PLCD1: variants seen among roughly 807,000 people sequenced by gnomAD.
PLCD1 encodes the protein 1-phosphatidylinositol 4,5-bisphosphate phosphodiesterase delta-1.
Under a neutral mutation model 87.4 loss-of-function variants are expected in PLCD1, and 71 were observed. The observed-to-expected ratio is 0.81, with a 90% CI of 0.67 to 0.99. The LOEUF (loss-of-function observed/expected upper bound fraction) is 0.99, where lower values mean the gene tolerates loss of function less well. Ranked by LOEUF, PLCD1 falls within the 50% of genes least tolerant of loss-of-function variation. PLCD1 has a pLI of 0.00. For synonymous variants in PLCD1, 348 were observed against 399.2 expected, an observed-to-expected ratio of 0.87 and a Z score of 1.53; for missense variants, 867 against 1,001.5, an observed-to-expected ratio of 0.87 and a Z score of 1.81.
At chr3:38,023,391 T>C (rs1240938783) in intron 1 of PLCD1, among the ~76,000 whole-genome samples, 1 of 152,078 alleles carries the variant, frequency 6.6e-6, no homozygotes, top group Non-Finnish European at 1.5e-5. Flanking sequence ...CAGAGCATCA[T>C]GATGATGATG....
intron 1 of PLCD1, among the ~76,000 whole-genome samples, chr3:38,028,631 T>C (rs1575360178): frequency 6.6e-6 from 1 of 152,284 alleles, no homozygotes; most frequent in African/African-American, 2.4e-5. Flanking sequence ...GGAGCAGGGT[T>C]TGCTGAGATG....
In PLCD1 at chr3:38,018,108, T is replaced by C. The variant is rs901070741; in HGVS notation, c.200-1389A>G. ...ATGGGGGTGGGTAGTAGTGGCAGGATTGGGGAGACTTAAAAAGCAGGAAGC... is the reference window on the plus strand; with the variant it reads ...ATGGGGGTGGGTAGTAGTGGCAGGACTGGGGAGACTTAAAAAGCAGGAAGC... On this transcript the variant is annotated intron_variant, in intron 2 of 14. Transcript: ENST00000334661. This position sits in a 1 kb window ranked among gnomAD's most constrained non-coding sequence, Gnocchi z 5.7. Among the ~76,000 whole-genome samples, 14 of 152,052 alleles carry C rather than the reference T, an allele frequency of 9.2e-5. No individual in the cohort carries two copies. Among genetic ancestry groups the C allele is most frequent in the South Asian group, 6.2e-4 (3 of 4,816 alleles).
Position 38,010,067 on chromosome 3 carries a change from G to A in PLCD1, c.1138-14C>T, listed in dbSNP as rs201357383. 1.2e-6 allele frequency: 2 copies of A among 1,614,178 alleles called. No homozygotes were observed. Among genetic ancestry groups the A allele is most frequent in the Non-Finnish European group, 1.7e-6 (2 of 1,179,994 alleles). ...GTAGGGGGACGCCTGGAGGCCCAAG[G>A]GCACATTAGGAGTGGTGGGCCACCC... On this transcript the variant is annotated splice_polypyrimidine_tract_variant and intron_variant, in intron 7 of 14. Coordinates refer to ENST00000334661, the MANE Select transcript of PLCD1 (RefSeq NM_006225.4).
chr3:38,011,273 T>G lies in PLCD1; in HGVS notation c.731A>C (p.Glu244Ala), dbSNP rs781534778. The G allele has an allele frequency of 3.9e-5, 63 of 1,611,660 alleles. No homozygotes were observed. The highest frequency in any genetic ancestry group is 2.2e-4 in the Middle Eastern group (1 of 4,488). The change falls in exon 5 of 15, where the codon GAG becomes GCG. Residue 244 changes from glutamate to alanine, a missense_variant. By Grantham distance (107) the Glu-to-Ala change is moderately radical (BLOSUM62 -1). Coordinates refer to ENST00000334661, the MANE Select transcript of PLCD1 (RefSeq NM_006225.4). ...VTFLQHQQREEAAGPALALSL... is the reference protein window; with the variant it reads ...VTFLQHQQREAAAGPALALSL... ...GAGGGCCAGCGCAGGCCCTGCCGCC[T>G]CCTCCCGCTGCTGGTGCTGCAGGAA...
chr3:38,007,989 G>C, intron 14 of PLCD1, 25 bp downstream of exon 14: 1 of 1,613,930 alleles, frequency 6.2e-7, no homozygotes, highest in South Asian at 1.1e-5. Context: ...CACCACCTTG[G>C]CCATCCCCTT....
intron 3 of PLCD1, among the ~76,000 whole-genome samples, chr3:38,013,208 C>CTTTTT (rs869279889): frequency 8.4e-6 from 1 of 118,502 alleles, no homozygotes; most frequent in African/African-American, 3.2e-5. Flanking sequence ...TTTTAATTTT[C>CTTTTT]TTTTTTTTTT....
At chr3:38,015,628 A>C (rs973690990) in intron 3 of PLCD1, among the ~76,000 whole-genome samples, 26 of 152,226 alleles carry the variant, frequency 1.7e-4, no homozygotes, top group African/African-American at 6.3e-4. Flanking sequence ...AAAAATGGAG[A>C]GAGCTGGCTC....
At chr3:38,024,961 G>T (rs963552392) in intron 1 of PLCD1, among the ~76,000 whole-genome samples, 5 of 152,248 alleles carry the variant, frequency 3.3e-5, no homozygotes, top group African/African-American at 1.2e-4. Context: ...CGCGGAGGCG[G>T]AGTGGGACAA....
chr3:38,026,256 C>T (rs1184566574), intron 1 of PLCD1, among the ~76,000 whole-genome samples: 2 of 152,226 alleles, frequency 1.3e-5, no homozygotes, highest in African/African-American at 2.4e-5. Flanking sequence ...CAGTGGCTCA[C>T]ACCTGTAATC....
chr3:38,008,998 T>C, intron 11 of PLCD1, 44 bp downstream of exon 11: 1 of 1,531,280 alleles, frequency 6.5e-7, no homozygotes, highest in Non-Finnish European at 9.0e-7. Flanking sequence ...GCCTTGGGAC[T>C]GAAACCCTCC....
At chr3:38,027,753 C>G (rs1336989413) in intron 1 of PLCD1, among the ~76,000 whole-genome samples, 1 of 152,258 alleles carries the variant, frequency 6.6e-6, no homozygotes, top group Non-Finnish European at 1.5e-5. Context: ...CAACCTGGAA[C>G]AGCACAGGGC....
chr3:38,022,056 CCT>C (rs1700241346), intron 1 of PLCD1, among the ~76,000 whole-genome samples: 1 of 152,206 alleles, frequency 6.6e-6, no homozygotes, highest in South Asian at 2.1e-4. Flanking sequence ...AACTCCCTTC[CCT>C]CTCTCTGCTT....
At position 38,010,571 on chromosome 3, in the gene PLCD1, G is replaced by A; in HGVS notation, c.791-9C>T. The A allele has an allele frequency of 6.2e-7, 1 of 1,609,554 alleles. No individual in the cohort carries two copies. The highest frequency in any genetic ancestry group is 1.1e-5 in the South Asian group (1 of 90,552). ...CTGCCGCTGCGCCTTGGCTGGGAGG[G>A]AGGAGGCCACTGCCCGTCAGAGCCA... On this transcript the variant is annotated splice_polypyrimidine_tract_variant and intron_variant, in intron 5 of 14. Transcript: ENST00000334661.
At chr3:38,027,961 G>T (rs1700325661) in intron 1 of PLCD1, among the ~76,000 whole-genome samples, 1 of 152,190 alleles carries the variant, frequency 6.6e-6, no homozygotes, top group African/African-American at 2.4e-5. Flanking sequence ...TAGGCATTTG[G>T]GAGGCTGGTC....
At chr3:38,020,620 G>A (rs771605155) in intron 1 of PLCD1, among the ~76,000 whole-genome samples, 1 of 152,128 alleles carries the variant, frequency 6.6e-6, no homozygotes, top group Non-Finnish European at 1.5e-5. Context: ...ACACTGTGAC[G>A]TGCCACCCAC....
At chr3:38,024,619 A>C (rs1037439239) in intron 1 of PLCD1, 10 of 1,516,206 alleles carry the variant, frequency 6.6e-6, no homozygotes, top group Non-Finnish European at 8.8e-6. Context: ...CGCACTTCGG[A>C]GGGGCGGGAC....
intron 9 of PLCD1, 50 bp from the exon 10 acceptor site, chr3:38,009,481 A>G: frequency 5.6e-6 from 9 of 1,604,006 alleles, no homozygotes; most frequent in Non-Finnish European, 6.8e-6. Flanking sequence ...GGGGTAGGGT[A>G]GGCACTGAGA....
intron 11 of PLCD1, 60 bp downstream of exon 11, chr3:38,008,982 C>G (rs1342243112): frequency 7.2e-7 from 1 of 1,382,454 alleles, no homozygotes; most frequent in Non-Finnish European, 1.0e-6. Context: ...AGGCTCCAGG[C>G]CCCCGGCCTT....
Position 38,029,544 on chromosome 3 carries a change from G to T in PLCD1, c.-5C>A. Reference sequence around the variant, plus strand: ...GAAGTCCCGGCCCGAGTCCATGCCCGACGGGCGGCGCGGCGGGAGGGGCAC... The same window carrying T: ...GAAGTCCCGGCCCGAGTCCATGCCCTACGGGCGGCGCGGCGGGAGGGGCAC... On this transcript the variant is annotated 5_prime_UTR_variant, in exon 1 of 15. Coordinates refer to ENST00000334661, the MANE Select transcript of PLCD1 (RefSeq NM_006225.4). 1 of 1,537,442 alleles carries T rather than the reference G, an allele frequency of 6.5e-7. No homozygotes were observed.
Sources: allele counts gnomAD v4.1 joint callset (sites outside exome capture counted in the v4.1 genomes callset), GRCh38; gene constraint gnomAD v4.1.1; non-coding constraint Gnocchi (gnomAD v3.1); transcripts MANE v1.5; gene names NCBI Gene and HGNC (gene_info 2026-07-23, HGNC 2026-07-21).